Variants in NCOA7 observed in about 807,000 individuals in gnomAD.
The protein encoded by NCOA7 is 140 kDa estrogen receptor-associated protein.
Under a neutral mutation model 104.3 loss-of-function variants are expected in NCOA7, and 45 were observed. The ratio of observed to expected loss-of-function variants is 0.43; its 90% CI spans 0.34 to 0.55. The LOEUF (loss-of-function observed/expected upper bound fraction) is 0.55. NCOA7 is among the 20% of genes least tolerant of loss of function. The pLI is 0.02. For synonymous variants in NCOA7, 398 were observed against 402.3 expected (o/e 0.99, Z 0.13); for missense variants, 1,041 against 1,119.7 (o/e 0.93, Z 1.00).
intron 1 of NCOA7, among the ~76,000 whole-genome samples, chr6:125,792,372 T>C (rs769006387): frequency 1.3e-5 from 2 of 152,238 alleles, no homozygotes; most frequent in Non-Finnish European, 2.9e-5. Context: ...GTTCATTTCA[T>C]GTCTAAGCTT....
Position 125,805,139 on chromosome 6 carries a change from A to G in NCOA7, c.-64-10152A>G, listed in dbSNP as rs192142981. On this transcript the variant is annotated intron_variant, in intron 1 of 15. Coordinates refer to ENST00000392477, the MANE Select transcript of NCOA7 (RefSeq NM_181782.5). ...TTGACAGAGTCTCGCTCCGTCGCCCAGGCTGGAATGCAATGGCACGATCTC... is the reference window on the plus strand; with the variant it reads ...TTGACAGAGTCTCGCTCCGTCGCCCGGGCTGGAATGCAATGGCACGATCTC... Among the ~76,000 whole-genome samples the G allele has an allele frequency of 7.7e-5, 9 of 117,270 alleles. No homozygotes were observed. The East Asian group carries it at 2.6e-3, about 34-fold the overall frequency. 76.9% of individuals were successfully genotyped at this position (117,270 alleles called of 152,430 possible).
At position 125,885,419 on chromosome 6, in the gene NCOA7, G is replaced by T. The variant is rs1315517758; in HGVS notation, c.884+76G>T. On this transcript the variant is annotated intron_variant, in intron 8 of 15. Coordinates refer to ENST00000392477, the MANE Select transcript of NCOA7 (RefSeq NM_181782.5). ...ATGTAGCTTAAAAATGAGGGCATTTGCATGATTGAGGGATTGTGTAGAGGT... is the reference window on the plus strand; with the variant it reads ...ATGTAGCTTAAAAATGAGGGCATTTTCATGATTGAGGGATTGTGTAGAGGT... 9 of 1,441,724 alleles carry T rather than the reference G, an allele frequency of 6.2e-6. No homozygotes were observed. In the African/African-American group the frequency reaches 9.8e-5, roughly 16 times the overall value. 89.3% of individuals were successfully genotyped at this position (1,441,724 alleles called of 1,614,324 possible). A position where few individuals can be genotyped will look rare whatever the true frequency, so the allele number is the denominator to read the frequency against.
chr6:125,849,300 C>T (rs2128613339), intron 2 of NCOA7, among the ~76,000 whole-genome samples: 1 of 152,184 alleles, frequency 6.6e-6, no homozygotes, highest in Non-Finnish European at 1.5e-5. Context: ...TCTACAAGTG[C>T]CTACACCATT....
chr6:125,915,547 T>G lies in NCOA7; in HGVS notation c.2244+67T>G. 2 of 1,587,500 alleles carry G rather than the reference T, an allele frequency of 1.3e-6. 1 individual carries two copies. The highest frequency in any genetic ancestry group is 2.2e-5 in the South Asian group (2 of 89,802). On this transcript the variant is annotated intron_variant, in intron 11 of 15. Transcript: ENST00000392477. Reference sequence around the variant, plus strand: ...TACAGTAAGCAGTCTCGCATTCAGATTCCATGTAACAGGCTGGTAAGAAAC... The same window carrying G: ...TACAGTAAGCAGTCTCGCATTCAGAGTCCATGTAACAGGCTGGTAAGAAAC...
At chr6:125,786,473 G>A (rs995496142), upstream of NCOA7, among the ~76,000 whole-genome samples, 6 of 151,762 alleles carry the variant, frequency 4.0e-5, no homozygotes, top group African/African-American at 1.5e-4. Flanking sequence ...TCTCCTAAGT[G>A]ACTTCATCCT....
intron 3 of NCOA7, among the ~76,000 whole-genome samples, chr6:125,858,072 G>A (rs1781733533): frequency 6.6e-6 from 1 of 151,888 alleles, no homozygotes; most frequent in South Asian, 2.1e-4. Context: ...AGCCCTCCCT[G>A]TCCCTGTCCA....
intron 2 of NCOA7, among the ~76,000 whole-genome samples, chr6:125,841,018 G>A (rs1372185999): frequency 2.0e-5 from 3 of 150,196 alleles, no homozygotes; most frequent in African/African-American, 4.9e-5. Context: ...TGAGCCTCCC[G>A]AGTAGCTGGG....
rs1425665545 is a variant in NCOA7, at chr6:125,889,186, A to T, written c.1132A>T (p.Arg378Trp). 1 of 1,614,084 alleles carries T rather than the reference A, an allele frequency of 6.2e-7. No individual in the cohort carries two copies. The highest frequency in any genetic ancestry group is 1.7e-5 in the Admixed American group (1 of 60,006). ...GAAATTAAAGAAACTGGACTCCTCT[A>T]GGGAGACATCCCATGGTTCTCCCAC... Reference protein sequence around the residue: ...SEKLKKLDSSRETSHGSPTVT... With the variant: ...SEKLKKLDSSWETSHGSPTVT... The change falls in exon 9 of 16, where the codon AGG becomes TGG. Residue 378 changes from arginine (R) to tryptophan (W), a missense_variant. This residue lies in a region of NCOA7 where 914 missense variants were observed against 942.7 expected (regional missense o/e 0.97). Coordinates refer to ENST00000392477, the MANE Select transcript of NCOA7 (RefSeq NM_181782.5).
chr6:125,834,333 A>T (rs1419484132), intron 2 of NCOA7, among the ~76,000 whole-genome samples: 1 of 152,230 alleles, frequency 6.6e-6, no homozygotes, highest in Admixed American at 6.5e-5. Context: ...AAAATTCTTT[A>T]AAGTTTGATT....
chr6:125,906,348 A>C (rs983177358), intron 10 of NCOA7, among the ~76,000 whole-genome samples: 1 of 152,156 alleles, frequency 6.6e-6, no homozygotes, highest in Non-Finnish European at 1.5e-5. Flanking sequence ...AGCTTGAAAA[A>C]ATAGAGGCTA....
intron 1 of NCOA7, among the ~76,000 whole-genome samples, chr6:125,792,992 A>G (rs1774996049): frequency 2.0e-5 from 3 of 152,224 alleles, no homozygotes; most frequent in Non-Finnish European, 1.5e-5. Context: ...TCTTCACTTC[A>G]TATTACTCAA....
chr6:125,825,542 A>G (rs1241531797), intron 2 of NCOA7, among the ~76,000 whole-genome samples: 2 of 152,270 alleles, frequency 1.3e-5, no homozygotes, highest in East Asian at 3.8e-4. Context: ...TAGAGCTAGA[A>G]GAGCTTTGGT....
intron 10 of NCOA7, among the ~76,000 whole-genome samples, chr6:125,896,784 C>T (rs1259152408): frequency 2.0e-5 from 3 of 151,924 alleles, no homozygotes; most frequent in Non-Finnish European, 4.4e-5. Flanking sequence ...AGAGCAAGAC[C>T]CTGTCTCCAA....
chr6:125,782,914 T>A (rs1245696931), intron 1 of NCOA7, among the ~76,000 whole-genome samples: 1 of 152,152 alleles, frequency 6.6e-6, no homozygotes, highest in Non-Finnish European at 1.5e-5. Context: ...ATTACCTGGA[T>A]GGGCCCCAGT....
At chr6:125,866,324 C>T (rs898757982) in intron 3 of NCOA7, among the ~76,000 whole-genome samples, 7 of 151,374 alleles carry the variant, frequency 4.6e-5, no homozygotes, top group Admixed American at 6.6e-5. Context: ...AGCGAAATTC[C>T]GTCTCAGAAA....
At chr6:125,854,998 CT>C (rs769972185) in intron 2 of NCOA7, 21 bp from the exon 3 acceptor site, 27 of 1,528,102 alleles carry the variant, frequency 1.8e-5, no homozygotes, top group East Asian at 9.0e-5. Flanking sequence ...AATGTTTTTT[CT>C]TTTTTTTCCC....
rs571829111 is a variant in NCOA7, at chr6:125,865,010, C to T, written c.271+9770C>T. ...AGAGGAGGAGAAGCAACATCAGACA[C>T]GAGGAAGAGCAGAAAGAACTATTTT... On this transcript the variant is annotated intron_variant, in intron 3 of 15. Transcript: ENST00000392477. 4.3e-5 allele frequency among the ~76,000 whole-genome samples: 6 copies of T among 138,112 alleles called. 2 individuals carry two copies. Among genetic ancestry groups the T allele is most frequent in the East Asian group, 4.2e-4 (2 of 4,710 alleles). 90.6% of individuals were successfully genotyped at this position (138,112 alleles called of 152,430 possible).
intron 1 of NCOA7, among the ~76,000 whole-genome samples, chr6:125,797,424 C>T (rs764985411): frequency 3.0e-4 from 46 of 152,296 alleles, no homozygotes; most frequent in Middle Eastern, 3.4e-3. Flanking sequence ...GTTTGTTCAA[C>T]ACTGTTCATG....
chr6:125,898,170 C>T (rs1485539096), intron 10 of NCOA7, among the ~76,000 whole-genome samples: 1 of 152,196 alleles, frequency 6.6e-6, no homozygotes, highest in Non-Finnish European at 1.5e-5. Context: ...ACATTTAGAG[C>T]AAAGCCTGAA....
Sources: gnomAD v4.1 joint callset for allele counts (sites outside exome capture counted in the v4.1 genomes callset) on GRCh38, gnomAD v4.1.1 for gene constraint, gnomAD v4.1.1 regional missense constraint, MANE v1.5 for transcripts, NCBI Gene and HGNC (gene_info 2026-07-23, HGNC 2026-07-21) for gene names.